The following MGST2 variants were observed in gnomAD, a reference collection of about 807,000 sequenced individuals.
MGST2 encodes the protein glutathione peroxidase MGST2.
A neutral mutation model predicts 16.6 loss-of-function variants in MGST2; 9 were observed. That is an observed-to-expected ratio of 0.54 (90% CI 0.33 to 0.95). The LOEUF (loss-of-function observed/expected upper bound fraction) is 0.95. Among genes scored for constraint, MGST2 ranks in the 40% least tolerant of loss-of-function variants. The pLI is 0.03. For synonymous variants in MGST2, 79 were observed against 68.0 expected, an observed-to-expected ratio of 1.16 and a Z score of -0.79; for missense variants, 159 against 175.1, an observed-to-expected ratio of 0.91 and a Z score of 0.52.
chr4:139,750,965 A>T, the MGST2 span, among the ~76,000 whole-genome samples: 26 of 152,292 alleles, frequency 1.7e-4, no homozygotes, highest in South Asian at 4.1e-4. Flanking sequence ...GTCTACTCCT[A>T]TTTGGAACAC....
chr4:139,685,843 T>C (rs1366798944), intron 2 of MGST2, among the ~76,000 whole-genome samples: 1 of 151,998 alleles, frequency 6.6e-6, no homozygotes, highest in African/African-American at 2.4e-5. Flanking sequence ...TTTGTATTTT[T>C]AGTAGAGACA....
intron 2 of MGST2, among the ~76,000 whole-genome samples, chr4:139,689,279 A>G (rs1211543397): frequency 1.3e-5 from 2 of 151,904 alleles, no homozygotes; most frequent in Non-Finnish European, 2.9e-5. Flanking sequence ...AGGAACTGCA[A>G]ATCTCCTTTC....
intron 5 of MGST2, chr4:139,718,070 G>A (rs577789650): frequency 6.6e-6 from 1 of 152,228 alleles, no homozygotes; most frequent in Non-Finnish European, 1.5e-5. Context: ...AGGGATGATG[G>A]GAAAGGTGGA....
chr4:139,712,396 T>C (rs1195078429), intron 5 of MGST2, among the ~76,000 whole-genome samples: 17 of 152,262 alleles, frequency 1.1e-4, no homozygotes. Context: ...CCATAGTTCT[T>C]GAAACATAAT....
chr4:139,728,995 G>A (rs570720398), intron 5 of MGST2, among the ~76,000 whole-genome samples: 17 of 152,128 alleles, frequency 1.1e-4, no homozygotes, highest in East Asian at 9.7e-4. Flanking sequence ...AGCTGCCCTC[G>A]GCAGCTCCAT....
chr4:139,710,416 T>G (rs974468280), intron 5 of MGST2, among the ~76,000 whole-genome samples: 1 of 152,196 alleles, frequency 6.6e-6, no homozygotes, highest in African/African-American at 2.4e-5. Context: ...AAGAGAAAGG[T>G]ATTCCATTCA....
chr4:139,705,753 C>T (rs1046458656), downstream of MGST2: 4 of 152,090 alleles, frequency 2.6e-5, no homozygotes, highest in East Asian at 1.9e-4. Context: ...GGCTGTAGAA[C>T]GTGGGTTGGG....
intron 5 of MGST2, chr4:139,718,712 T>TG (rs995285243): frequency 2.8e-4 from 43 of 153,106 alleles, no homozygotes; most frequent in African/African-American, 1.0e-3. Flanking sequence ...CAGACAGTCC[T>TG]GTAGGATCTG....
rs751333278 is a variant in MGST2, at chr4:139,704,052, C to T, written c.348C>T (p.Ala116=). 4 of 1,614,106 alleles carry T rather than the reference C, an allele frequency of 2.5e-6. No individual in the cohort carries two copies. The East Asian group carries it at 6.7e-5, about 27-fold the overall frequency. The change falls in exon 5 of 5, where the codon GCC becomes GCT. Residue 116 remains alanine, a synonymous_variant. Transcript: ENST00000265498. Reference sequence around the variant, plus strand: ...TCCGACTGAGTCTGGGGATTTTGGCCTTGTTGACCCTCCTAGGTGCCCTGG... The same window carrying T: ...TCCGACTGAGTCTGGGGATTTTGGCTTTGTTGACCCTCCTAGGTGCCCTGG... The part of the protein sequence containing the change: ...TGFRLSLGIL[A]LLTLLGALGI...
chr4:139,665,973 G>A lies in MGST2; in HGVS notation c.-47G>A. On this transcript the variant is annotated 5_prime_UTR_variant, in exon 1 of 5. Coordinates refer to ENST00000265498, the MANE Select transcript of MGST2 (RefSeq NM_002413.5). ...GAAGGTCAGCATTCAAAGTCAAGAA[G>A]CGCCATTTATCTTCCCGTGCGCTCT... The A allele has an allele frequency of 6.3e-7, 1 of 1,599,772 alleles. No individual in the cohort carries two copies. Among genetic ancestry groups the A allele is most frequent in the Non-Finnish European group, 8.6e-7 (1 of 1,167,238 alleles).
At chr4:139,725,760 G>C (rs372739617) in intron 5 of MGST2, 1 of 1,613,830 alleles carries the variant, frequency 6.2e-7, no homozygotes, top group African/African-American at 1.3e-5. Context: ...CCTTGAAACT[G>C]ATTGACCTGC....
chr4:139,698,452 C>T lies in MGST2; in HGVS notation c.229+3185C>T, dbSNP rs982860526. On this transcript the variant is annotated intron_variant, in intron 3 of 4. Coordinates refer to ENST00000265498, the MANE Select transcript of MGST2 (RefSeq NM_002413.5). ...CTGTAACGATGAGGTTTCTTCACCC[C>T]TCCAGTAGAGGGCGCACTCTTGCGA... 1.2e-5 allele frequency: 14 copies of T among 1,166,684 alleles called. No individual in the cohort carries two copies. In the African/African-American group the frequency reaches 1.2e-4, roughly 10 times the overall value. The allele number at this position is 1,166,684 out of a possible 1,614,324, so 72.3% of individuals were successfully genotyped here.
Position 139,665,831 on chromosome 4 carries a change from G to A in MGST2, c.-189G>A, listed in dbSNP as rs539404240. On this transcript the variant is annotated 5_prime_UTR_variant, in exon 1 of 5. Coordinates refer to ENST00000265498, the MANE Select transcript of MGST2 (RefSeq NM_002413.5). ...AACTCCCAGCCCCATAAAGATCTGT[G>A]ACCGGCAGCCCCAGACCTGCCTGCC... 8.2e-5 allele frequency: 55 copies of A among 666,836 alleles called. No homozygotes were observed. In the African/African-American group the frequency reaches 9.2e-4, roughly 11 times the overall value. 41.3% of individuals were successfully genotyped at this position (666,836 alleles called of 1,614,324 possible).
chr4:139,733,605 C>T (rs1202940109), intron 5 of MGST2, among the ~76,000 whole-genome samples: 1 of 150,464 alleles, frequency 6.6e-6, no homozygotes, highest in African/African-American at 2.4e-5. Flanking sequence ...TTATGTATTT[C>T]CCCAAATAAT....
intron 1 of MGST2, among the ~76,000 whole-genome samples, chr4:139,674,150 A>G (rs1431898056): frequency 1.3e-5 from 2 of 152,210 alleles, no homozygotes; most frequent in Non-Finnish European, 2.9e-5. Context: ...ACACAGCCTC[A>G]GGGGCTCCTG....
At chr4:139,683,695 G>C (rs755900039) in intron 2 of MGST2, among the ~76,000 whole-genome samples, 5 of 152,010 alleles carry the variant, frequency 3.3e-5, no homozygotes, top group Non-Finnish European at 4.4e-5. Context: ...ACTTAGGGGA[G>C]TGTGTGTAGG....
At chr4:139,667,924 C>T (rs960663292) in intron 1 of MGST2, among the ~76,000 whole-genome samples, 3 of 152,090 alleles carry the variant, frequency 2.0e-5, no homozygotes, top group Non-Finnish European at 4.4e-5. Context: ...GTATTCTGAG[C>T]CAAACATGAG....
At chr4:139,710,307 A>C (rs1221422926) in intron 5 of MGST2, among the ~76,000 whole-genome samples, 4 of 152,214 alleles carry the variant, frequency 2.6e-5, no homozygotes, top group South Asian at 4.1e-4. Flanking sequence ...GACTTTCTAG[A>C]AAAATGTTTA....
chr4:139,716,369 A>C (rs557723916), intron 5 of MGST2, among the ~76,000 whole-genome samples: 1 of 152,304 alleles, frequency 6.6e-6, no homozygotes, highest in South Asian at 2.1e-4. Context: ...ACTTCCCCTC[A>C]ATATATTCCG....
Sources: allele counts gnomAD v4.1 joint callset (sites outside exome capture counted in the v4.1 genomes callset), GRCh38; gene constraint gnomAD v4.1.1; transcripts MANE v1.5; gene names NCBI Gene and HGNC (gene_info 2026-07-23, HGNC 2026-07-21).